TTLL4: variants seen among roughly 807,000 people sequenced by gnomAD.
TTLL4 encodes tubulin monoglutamylase TTLL4.
TTLL4 carries 85 observed loss-of-function variants against 122.7 expected under a neutral mutation model. That is an observed-to-expected ratio of 0.69 (90% confidence interval 0.58 to 0.83). The LOEUF is 0.83. TTLL4 is among the 40% of genes least tolerant of loss of function. The probability of loss-of-function intolerance (pLI) is 0.00; values close to 1 mark genes in which losing one functional copy is unlikely to be tolerated. For missense variants in TTLL4, 1,363 were observed against 1,488.6 expected (o/e 0.92, Z 1.39); for synonymous variants, 553 against 563.0 (o/e 0.98, Z 0.25).
intron 2 of TTLL4, among the ~76,000 whole-genome samples, 186 bp downstream of exon 2, chr2:218,727,533 C>G (rs192429041): frequency 6.6e-6 from 1 of 152,134 alleles, no homozygotes; most frequent in East Asian, 1.9e-4. Context: ...GTCAGGAGAT[C>G]GAGATCATCC....
At chr2:218,745,077 T>G in intron 5 of TTLL4, 32 bp from the exon 6 acceptor site, 1 of 1,611,672 alleles carries the variant, frequency 6.2e-7, no homozygotes, top group Non-Finnish European at 8.5e-7. Flanking sequence ...GCTTTTTCCC[T>G]TTCTCTACTC....
In TTLL4 at chr2:218,738,300, A is replaced by T. The variant is rs773382067; in HGVS notation, c.624A>T (p.Pro208=). The change falls in exon 3 of 20, where the codon CCA becomes CCT. Residue 208 remains proline (P), a synonymous_variant. Transcript: ENST00000392102. ...CCATCTCAGGGAAGATCCCATCTCC[A>T]CTCTCTTCCTCCTATAAGCCCATGC... ...ASAISGKIPS[P]LSSSYKPMLN... is the part of the protein sequence containing the mutation. The T allele has an allele frequency of 8.7e-6, 14 of 1,613,574 alleles. No homozygotes were observed. The highest frequency in any genetic ancestry group is 1.7e-5 in the Admixed American group (1 of 59,972).
intron 1 of TTLL4, among the ~76,000 whole-genome samples, chr2:218,720,736 A>G (rs1235873578): frequency 6.6e-6 from 1 of 151,944 alleles, no homozygotes; most frequent in African/African-American, 2.4e-5. Flanking sequence ...CCTGGCTCCT[A>G]AAACCTTCAG....
At chr2:218,733,529 C>T (rs1281064009) in intron 2 of TTLL4, among the ~76,000 whole-genome samples, 1 of 152,176 alleles carries the variant, frequency 6.6e-6, no homozygotes, top group African/African-American at 2.4e-5. Flanking sequence ...GATTACAACT[C>T]AACATGAGAT....
intron 2 of TTLL4, among the ~76,000 whole-genome samples, chr2:218,728,952 G>T (rs1410366587): frequency 1.3e-4 from 17 of 129,550 alleles, no homozygotes; most frequent in African/African-American, 4.1e-4. Flanking sequence ...GGCGGGGGGG[G>T]GCATAGTTTT....
chr2:218,752,651 T>C, intron 16 of TTLL4, 112 bp from the exon 17 acceptor site: 5 of 1,097,368 alleles, frequency 4.6e-6, no homozygotes, highest in Non-Finnish European at 6.8e-6. Flanking sequence ...TCCATGAGAG[T>C]CCCGGAGCTG....
At position 218,748,313 on chromosome 2, in the gene TTLL4, G is replaced by A. The variant is rs1002303522; in HGVS notation, c.2501+86G>A. On this transcript the variant is annotated intron_variant, in intron 12 of 19. Coordinates refer to ENST00000392102, the MANE Select transcript of TTLL4 (RefSeq NM_014640.5). ...TTTGGGAGGTTCAGGGGCATGGCGAGTGGAGGATTAATATAAGACCCAGAG... is the reference window on the plus strand; with the variant it reads ...TTTGGGAGGTTCAGGGGCATGGCGAATGGAGGATTAATATAAGACCCAGAG... The A allele has an allele frequency of 5.1e-6, 8 of 1,553,700 alleles. No individual in the cohort carries two copies. The East Asian group carries it at 1.1e-4, about 22-fold the overall frequency.
At chr2:218,715,670 G>T (rs569969809) in intron 1 of TTLL4, among the ~76,000 whole-genome samples, 1 of 151,514 alleles carries the variant, frequency 6.6e-6, no homozygotes, top group African/African-American at 2.4e-5. Context: ...TCAATCTGTC[G>T]CTAGGCTGGA....
At chr2:218,725,517 G>A (rs973757740) in intron 1 of TTLL4, among the ~76,000 whole-genome samples, 5 of 151,968 alleles carry the variant, frequency 3.3e-5, no homozygotes, top group Admixed American at 3.3e-4. Flanking sequence ...TGTCCTCCAT[G>A]CGTTTTAACT....
In TTLL4 at chr2:218,740,116, G is replaced by C; in HGVS notation, c.1546G>C (p.Val516Leu). ...GACTGAAGATACAGAAGAAGAACTA[G>C]TAGATGGTTTGGAAGACTGTTGTAG... ...AETEDTEEEL[V>L]DGLEDCCSRD... The change falls in exon 4 of 20, where the codon GTA becomes CTA. Residue 516 changes from valine (V) to leucine (L), a missense_variant. Physicochemically the swap from Val to Leu is conservative, Grantham distance 32 (BLOSUM62 1). Transcript: ENST00000392102. 6.2e-7 allele frequency: 1 copy of C among 1,614,210 alleles called. No homozygotes were observed. Among genetic ancestry groups the C allele is most frequent in the South Asian group, 1.1e-5 (1 of 91,080 alleles).
chr2:218,742,567 A>G (rs1011384817), intron 5 of TTLL4, among the ~76,000 whole-genome samples: 1 of 152,222 alleles, frequency 6.6e-6, no homozygotes, highest in African/African-American at 2.4e-5. Context: ...TTCCAAGGTC[A>G]TAGTTTCTAG....
In TTLL4 at chr2:218,747,674, C is replaced by T; in HGVS notation, c.2327C>T (p.Pro776Leu). The T allele has an allele frequency of 6.2e-7, 1 of 1,614,220 alleles. No individual in the cohort carries two copies. Among genetic ancestry groups the T allele is most frequent in the Non-Finnish European group, 8.5e-7 (1 of 1,180,044 alleles). ...RIYVYVTSYD[P>L]LRIYLFSDGL... Reference sequence around the variant, plus strand: ...TATGTTTATGTCACTTCCTACGATCCTCTGCGGATTTACCTCTTTTCAGAT... The same window carrying T: ...TATGTTTATGTCACTTCCTACGATCTTCTGCGGATTTACCTCTTTTCAGAT... Residue 776 changes from proline (P) to leucine (L), a missense_variant, in exon 11 of 20, where the codon CCT (proline) becomes CTT (leucine). Around this residue, in one of 3 missense-constraint regions of TTLL4, gnomAD observed 596 missense variants for 655.8 expected, o/e 0.91. Transcript: ENST00000392102. The surrounding 1 kb of genome is among the most constrained non-coding windows in gnomAD (Gnocchi z 4.7).
Position 218,738,175 on chromosome 2 carries a change from G to A in TTLL4, c.499G>A (p.Val167Ile). 1 of 1,613,888 alleles carries A rather than the reference G, an allele frequency of 6.2e-7. No homozygotes were observed. Among genetic ancestry groups the A allele is most frequent in the Non-Finnish European group, 8.5e-7 (1 of 1,180,006 alleles). The change falls in exon 3 of 20, where the codon GTC (valine) becomes ATC (isoleucine). Residue 167 changes from valine (V) to isoleucine (I), a missense_variant. Val to Ile is a conservative substitution (Grantham distance 29). Coordinates refer to ENST00000392102, the MANE Select transcript of TTLL4 (RefSeq NM_014640.5). ...TGCCAACAAGGCCACTTCTTCCATG[G>A]TCTTCTCCATGGCCCAGCCCATGGC... The part of the protein sequence containing the change: ...LTANKATSSM[V>I]FSMAQPMASS...
chr2:218,759,572 G>T (rs535618351), downstream of TTLL4, among the ~76,000 whole-genome samples: 2 of 152,144 alleles, frequency 1.3e-5, no homozygotes, highest in South Asian at 4.1e-4. Flanking sequence ...TGAGGGAGGG[G>T]TAGACTGTAG....
At chr2:218,757,389 T>C (rs969992109), downstream of TTLL4, among the ~76,000 whole-genome samples, 2 of 152,200 alleles carry the variant, frequency 1.3e-5, no homozygotes, top group Non-Finnish European at 2.9e-5. Flanking sequence ...GTTAAACACT[T>C]CACAGTCAGA....
At chr2:218,757,534 G>A (rs951463199), downstream of TTLL4, among the ~76,000 whole-genome samples, 1 of 152,184 alleles carries the variant, frequency 6.6e-6, no homozygotes, top group Non-Finnish European at 1.5e-5. Flanking sequence ...GGCTGGAAAG[G>A]GGAGAAGCAG....
Position 218,747,066 on chromosome 2 carries a change from C to T in TTLL4, c.2038C>T (p.Arg680Cys), listed in dbSNP as rs767304485. 11 of 1,614,194 alleles carry T rather than the reference C, an allele frequency of 6.8e-6. No homozygotes were observed. Among genetic ancestry groups the T allele is most frequent in the African/African-American group, 1.3e-5 (1 of 75,048 alleles). Residue 680 changes from arginine to cysteine, a missense_variant, in exon 9 of 20, where the codon CGT becomes TGT. Transcript: ENST00000392102. The surrounding 1 kb of genome is among the most constrained non-coding windows in gnomAD (Gnocchi z 4.7). ...GGACCGGCTATGGCGGAACCTGTCA[C>T]GTATGCAGAGCCGCTTTGGCAAGAA... The part of the protein sequence containing the change: ...RKDRLWRNLS[R>C]MQSRFGKKEF...
chr2:218,717,451 C>T (rs993827719), intron 1 of TTLL4, among the ~76,000 whole-genome samples: 1 of 152,154 alleles, frequency 6.6e-6, no homozygotes, highest in Non-Finnish European at 1.5e-5. Flanking sequence ...CACCCCATTA[C>T]ATAAACCCTT....
In TTLL4 at chr2:218,753,598, A is replaced by G. The variant is rs1453309592; in HGVS notation, c.3273A>G (p.Thr1091=). 6.2e-7 allele frequency: 1 copy of G among 1,614,186 alleles called. No individual in the cohort carries two copies. The highest frequency in any genetic ancestry group is 1.1e-5 in the South Asian group (1 of 91,090). Residue 1091 remains threonine (T), a synonymous_variant, in exon 19 of 20, where the codon ACA becomes ACG. Transcript: ENST00000392102. The part of the protein sequence containing the change: ...SDSAPVWSLP[T]SLLTISKDDV... Reference sequence around the variant, plus strand: ...TTTGCTCTTAGTGGTCTCTCCCGACATCACTTCTGACTATCTCAAAGGATG... The same window carrying G: ...TTTGCTCTTAGTGGTCTCTCCCGACGTCACTTCTGACTATCTCAAAGGATG...
Sources: gnomAD v4.1 joint callset for allele counts (sites outside exome capture counted in the v4.1 genomes callset) on GRCh38, gnomAD v4.1.1 for gene constraint, gnomAD v4.1.1 regional missense constraint, Gnocchi (gnomAD v3.1) non-coding constraint, MANE v1.5 for transcripts, NCBI Gene and HGNC (gene_info 2026-07-23, HGNC 2026-07-21) for gene names.